ZNF487: variants seen among roughly 807,000 people sequenced by gnomAD.
ZNF487 encodes zinc finger protein 487.
A neutral mutation model predicts 3.0 loss-of-function variants in ZNF487; 4 were observed. That is an observed-to-expected ratio of 1.35 (90% CI 0.66 to 3.08). The LOEUF is 3.08. ZNF487 is among the 30% of genes most tolerant of loss of function. The pLI, the probability that ZNF487 is intolerant of heterozygous loss-of-function variation, is 0.01. For missense variants in ZNF487, 146 were observed against 98.7 expected, an observed-to-expected ratio of 1.48 and a Z score of -2.03; for synonymous variants, 55 against 34.6, an observed-to-expected ratio of 1.59 and a Z score of -2.06.
At chr10:43,464,410 T>C (rs1840572862) in intron 1 of ZNF487, among the ~76,000 whole-genome samples, 1 of 151,894 alleles carries the variant, frequency 6.6e-6, no homozygotes, top group Admixed American at 6.6e-5. Context: ...TTCTTGGGTG[T>C]TTCTCGCAGA....
chr10:43,500,140 G>T, the ZNF487 span, among the ~76,000 whole-genome samples: 1 of 152,078 alleles, frequency 6.6e-6, no homozygotes, highest in Non-Finnish European at 1.5e-5. Context: ...CTCCCAAAGT[G>T]CTGGGATTAC....
At chr10:43,457,604 C>A (rs1840263625) in intron 1 of ZNF487, among the ~76,000 whole-genome samples, 1 of 149,772 alleles carries the variant, frequency 6.7e-6, no homozygotes, top group South Asian at 2.1e-4. Flanking sequence ...CTCATGAGAT[C>A]GCTTGAACGC....
At chr10:43,483,743 G>A (rs774040524), downstream of ZNF487, among the ~76,000 whole-genome samples, 2 of 152,184 alleles carry the variant, frequency 1.3e-5, no homozygotes, top group African/African-American at 2.4e-5. Flanking sequence ...GGCCAGGGTG[G>A]TCTGGAACTC....
At chr10:43,486,718 A>G (rs1054938737), downstream of ZNF487, among the ~76,000 whole-genome samples, 7 of 152,222 alleles carry the variant, frequency 4.6e-5, no homozygotes, top group African/African-American at 1.7e-4. Context: ...GATAAAAGCC[A>G]TCTTTTTATA....
At chr10:43,486,526 CAAAA>C (rs932389122), downstream of ZNF487, among the ~76,000 whole-genome samples, 1 of 122,116 alleles carries the variant, frequency 8.2e-6, no homozygotes, top group Non-Finnish European at 1.7e-5. Flanking sequence ...AACTCCTTCT[CAAAA>C]AAAAAAAAAG....
At chr10:43,512,132 C>T in the ZNF487 span, among the ~76,000 whole-genome samples, 1 of 152,238 alleles carries the variant, frequency 6.6e-6, no homozygotes. Flanking sequence ...TGTAGTGCTG[C>T]AGCTGTCCAC....
the ZNF487 span, among the ~76,000 whole-genome samples, chr10:43,492,520 C>A: frequency 1.3e-5 from 2 of 151,236 alleles, no homozygotes; most frequent in African/African-American, 2.5e-5. Context: ...GGCATGATCT[C>A]GGCTCACTGC....
At chr10:43,500,969 G>A in the ZNF487 span, among the ~76,000 whole-genome samples, 47 of 152,278 alleles carry the variant, frequency 3.1e-4, no homozygotes, top group African/African-American at 1.0e-3. Flanking sequence ...TAGTGACAAG[G>A]ATACACTCTG....
At chr10:43,439,167 G>T (rs1476243626) in intron 1 of ZNF487, among the ~76,000 whole-genome samples, 1 of 151,952 alleles carries the variant, frequency 6.6e-6, no homozygotes, top group African/African-American at 2.4e-5. Context: ...GCTTGAATCC[G>T]GGAGGCCGAG....
At chr10:43,517,399 T>C in the ZNF487 span, among the ~76,000 whole-genome samples, 3 of 152,212 alleles carry the variant, frequency 2.0e-5, no homozygotes, top group Non-Finnish European at 4.4e-5. Flanking sequence ...CTTGGATGGA[T>C]TCCCTTCAAC....
chr10:43,501,079 T>C, the ZNF487 span, among the ~76,000 whole-genome samples: 1 of 152,200 alleles, frequency 6.6e-6, no homozygotes, highest in Non-Finnish European at 1.5e-5. Flanking sequence ...CTATACGATA[T>C]AGCCTGTTGC....
rs1214008722 is a variant in ZNF487 at position 43,463,538 on chromosome 10, GA to G, written c.-93-12169del. ...GGGTTTCAGAGTGAAACACTGTCTC[GA>G]AAAAAAAAAAAAATTTTTTTTTTTT... On this transcript the variant is annotated intron_variant, in intron 1 of 3. Coordinates refer to ENST00000437590, the MANE Select transcript of ZNF487 (RefSeq NM_001355444.3). Among the ~76,000 whole-genome samples, 309 of 141,822 alleles carry G rather than the reference GA, an allele frequency of 2.2e-3. 2 individuals are homozygous for G. Among genetic ancestry groups the G allele is most frequent in the African/African-American group, 6.0e-3 (230 of 38,620 alleles). The allele number at this position is 141,822 out of a possible 152,430, so 93.0% of individuals were successfully genotyped here.
At position 43,442,807 on chromosome 10, in the gene ZNF487, GAT is replaced by G. The variant is rs1275581679; in HGVS notation, c.-94+5548_-94+5549del. ...CAAGTTGTGTTCAGCGTACAAGTCT[GAT>G]ATGTGTTTGTTAGATTTATAGCTAA... On this transcript the variant is annotated intron_variant, in intron 1 of 3. Coordinates refer to ENST00000437590, the MANE Select transcript of ZNF487 (RefSeq NM_001355444.3). 2.0e-5 allele frequency among the ~76,000 whole-genome samples: 3 copies of G among 152,166 alleles called. No individual in the cohort carries two copies. In the East Asian group the frequency reaches 5.8e-4, roughly 29 times the overall value.
At chr10:43,453,800 C>T (rs923976518) in intron 1 of ZNF487, 1 of 152,098 alleles carries the variant, frequency 6.6e-6, no homozygotes, top group African/African-American at 2.4e-5. Flanking sequence ...TACTGTGTAC[C>T]TGAAATTTGA....
chr10:43,445,417 T>C (rs187400569), intron 1 of ZNF487, among the ~76,000 whole-genome samples: 3 of 152,188 alleles, frequency 2.0e-5, no homozygotes, highest in Non-Finnish European at 4.4e-5. Flanking sequence ...AATTTTACTT[T>C]TTGGATGCAG....
chr10:43,463,463 G>A (rs374132756), intron 1 of ZNF487, among the ~76,000 whole-genome samples: 2 of 151,856 alleles, frequency 1.3e-5, no homozygotes, highest in African/African-American at 4.8e-5. Flanking sequence ...GCTTGAACCC[G>A]GGAGGCTAAG....
At chr10:43,491,506 C>T in the ZNF487 span, among the ~76,000 whole-genome samples, 2 of 151,564 alleles carry the variant, frequency 1.3e-5, no homozygotes, top group Non-Finnish European at 2.9e-5. Flanking sequence ...ACGGGCTTCC[C>T]TTCTGAGCTC....
intron 1 of ZNF487, among the ~76,000 whole-genome samples, chr10:43,470,461 G>A (rs542624414): frequency 1.1e-4 from 16 of 150,922 alleles, no homozygotes; most frequent in Non-Finnish European, 2.1e-4. Flanking sequence ...TCACCTCACC[G>A]CAACCTCCAC....
rs118091249 is a variant in ZNF487 at position 43,441,742 on chromosome 10, G to C, written c.-94+4480G>C. ...CCTTGGATTATAGGTGCATGCCACT[G>C]TGCTTGGCTGATTTTTGTATTTCTA... On this transcript the variant is annotated intron_variant, in intron 1 of 3. Transcript: ENST00000437590. Among the ~76,000 whole-genome samples, 994 of 151,974 alleles carry C rather than the reference G, an allele frequency of 6.5e-3. 7 individuals are homozygous for C. The highest frequency in any genetic ancestry group is 0.01 in the Non-Finnish European group (703 of 67,964).
Sources: gnomAD v4.1 joint callset for allele counts (sites outside exome capture counted in the v4.1 genomes callset) on GRCh38, gnomAD v4.1.1 for gene constraint, MANE v1.5 for transcripts, NCBI Gene and HGNC (gene_info 2026-07-23, HGNC 2026-07-21) for gene names.